GPC3: variants seen among roughly 807,000 people sequenced by gnomAD.
The protein encoded by GPC3 is glypican 3.
A neutral mutation model predicts 34.4 loss-of-function variants in GPC3; 3 were observed. The ratio of observed to expected loss-of-function variants is 0.09; its 90% CI spans 0.04 to 0.23. GPC3 has a LOEUF of 0.23. Ranked by LOEUF, GPC3 falls within the 10% of genes least tolerant of loss-of-function variation. The probability of loss-of-function intolerance (pLI) is 1.00; values close to 1 mark genes in which losing one functional copy is unlikely to be tolerated. For synonymous variants in GPC3, 177 were observed against 174.0 expected (o/e 1.02, Z -0.13); for missense variants, 351 against 445.6 (o/e 0.79, Z 1.91).
At chrX:133,839,455 T>A (rs1190885673) in intron 2 of GPC3, among the ~76,000 whole-genome samples, 1 of 111,479 alleles carries the variant, frequency 9.0e-6, no homozygotes, top group Non-Finnish European at 1.9e-5. Context: ...ATACCTTAAA[T>A]ATACACAATT....
At chrX:133,634,721 T>C (rs2070401041) in intron 6 of GPC3, among the ~76,000 whole-genome samples, 1 of 111,877 alleles carries the variant, frequency 8.9e-6, no homozygotes, top group Non-Finnish European at 1.9e-5. Flanking sequence ...GGGCAACTTG[T>C]TGGGGTGATG....
chrX:133,772,753 C>G (rs1483216158), intron 2 of GPC3, among the ~76,000 whole-genome samples: 1 of 111,610 alleles, frequency 9.0e-6, no homozygotes, highest in African/African-American at 3.3e-5. Context: ...GGACCAGGCA[C>G]TATTTCAAGT....
At chrX:133,919,584 G>A (rs2076238588) in intron 2 of GPC3, among the ~76,000 whole-genome samples, 1 of 111,089 alleles carries the variant, frequency 9.0e-6, no homozygotes, top group Admixed American at 9.6e-5. Context: ...CACTTTGGGA[G>A]GTTAAGGTGG....
chrX:133,580,014 G>C (rs748844335), intron 7 of GPC3, among the ~76,000 whole-genome samples: 1 of 112,857 alleles, frequency 8.9e-6, no homozygotes, highest in South Asian at 3.6e-4. Flanking sequence ...TGAAGGAACA[G>C]AATAGCAAGT....
At chrX:133,572,046 T>C (rs977789906) in intron 7 of GPC3, among the ~76,000 whole-genome samples, 1 of 111,869 alleles carries the variant, frequency 8.9e-6, no homozygotes, top group Non-Finnish European at 1.9e-5. Context: ...TACACATTCT[T>C]CTCAAGTGCA....
rs184269236 is a variant in GPC3 at position 133,933,989 on chromosome X, C to T, written c.337+19061G>A. ...AAGCAGTTCTCCTGCCTCAGCCTCC[C>T]GAGTAGCTGGGATTACAGGCGTGTG... On this transcript the variant is annotated intron_variant, in intron 2 of 7. Transcript: ENST00000370818. 2.2e-4 allele frequency among the ~76,000 whole-genome samples: 23 copies of T among 105,609 alleles called. No homozygotes were observed. The East Asian group carries it at 5.1e-3, about 23-fold the overall frequency. The allele number at this position is 105,609 out of a possible 115,157, so 91.7% of individuals were successfully genotyped here.
intron 7 of GPC3, among the ~76,000 whole-genome samples, chrX:133,544,683 G>A (rs770229718): frequency 2.0e-4 from 22 of 111,346 alleles, no homozygotes; most frequent in Admixed American, 4.8e-4. Flanking sequence ...GTGCCACCAC[G>A]TCTGGCTAAT....
chrX:133,603,878 C>T (rs1323112942), intron 6 of GPC3, among the ~76,000 whole-genome samples: 3 of 111,605 alleles, frequency 2.7e-5, no homozygotes, highest in African/African-American at 9.8e-5. Context: ...GTGCTTGGTC[C>T]ATGGGAGATC....
intron 6 of GPC3, among the ~76,000 whole-genome samples, chrX:133,638,779 G>A (rs1312790357): frequency 5.7e-5 from 6 of 104,828 alleles, no homozygotes; most frequent in East Asian, 5.8e-4. Context: ...ATTGTCTTGG[G>A]CCACACATAA....
rs1351278227 is a variant in GPC3 at position 133,968,946 on chromosome X, A to G, written c.176-15735T>C. Among the ~76,000 whole-genome samples, 6 of 111,046 alleles carry G rather than the reference A, an allele frequency of 5.4e-5. No homozygotes were observed. In the Admixed American group the frequency reaches 5.8e-4, roughly 11 times the overall value. On this transcript the variant is annotated intron_variant, in intron 1 of 7. Transcript: ENST00000370818. Reference sequence around the variant, plus strand: ...TTCCAAGAAATATAACAAGGCTATTAAAAACCCTAAATTAAATTTGTATAA... The same window carrying G: ...TTCCAAGAAATATAACAAGGCTATTGAAAACCCTAAATTAAATTTGTATAA...
intron 2 of GPC3, among the ~76,000 whole-genome samples, chrX:133,758,369 A>C (rs1850229574): frequency 8.9e-6 from 1 of 112,066 alleles, no homozygotes; most frequent in Non-Finnish European, 1.9e-5. Flanking sequence ...CTATGCAGCC[A>C]TAAAAATAAA....
At chrX:133,705,868 T>A (rs1471005844) in intron 3 of GPC3, among the ~76,000 whole-genome samples, 2 of 112,555 alleles carry the variant, frequency 1.8e-5, no homozygotes, top group African/African-American at 3.2e-5. Context: ...TGGGATGATT[T>A]AAATTCTTTG....
rs1017343258 is a variant in GPC3, at chrX:133,719,619, A to T, written c.1033-19591T>A. ...AATGTGCACATGTACCCTAAAACTT[A>T]AAGTATAATAAAAAAAAATAAAAAA... On this transcript the variant is annotated intron_variant, in intron 3 of 7. Transcript: ENST00000370818. Among the ~76,000 whole-genome samples, 6 of 111,221 alleles carry T rather than the reference A, an allele frequency of 5.4e-5. 1 individual carries two copies. Among genetic ancestry groups the T allele is most frequent in the African/African-American group, 1.6e-4 (5 of 30,540 alleles).
intron 7 of GPC3, among the ~76,000 whole-genome samples, chrX:133,558,748 C>T (rs2069515555): frequency 9.2e-6 from 1 of 108,446 alleles, no homozygotes; most frequent in African/African-American, 3.4e-5. Flanking sequence ...AAAATTAGCC[C>T]GGCATGGTAG....
chrX:133,687,132 C>T (rs1393213137), intron 5 of GPC3, among the ~76,000 whole-genome samples: 1 of 79,383 alleles, frequency 1.3e-5, no homozygotes, highest in Non-Finnish European at 2.2e-5. Context: ...TTAGTAGAGA[C>T]GAGGTTTCAC....
chrX:133,569,244 G>GA (rs776046146), intron 7 of GPC3, among the ~76,000 whole-genome samples: 2 of 112,005 alleles, frequency 1.8e-5, no homozygotes, highest in East Asian at 2.8e-4. Flanking sequence ...AATCAAAAAT[G>GA]AAAAAATGAA....
intron 3 of GPC3, among the ~76,000 whole-genome samples, chrX:133,717,020 G>A (rs2071320391): frequency 9.0e-6 from 1 of 110,741 alleles, no homozygotes; most frequent in African/African-American, 3.3e-5. Flanking sequence ...GAGGGCAGTG[G>A]CGTGATCTCA....
At chrX:133,908,322 G>GGACA (rs1169684192) in intron 2 of GPC3, among the ~76,000 whole-genome samples, 2 of 111,335 alleles carry the variant, frequency 1.8e-5, no homozygotes, top group Non-Finnish European at 3.8e-5. Context: ...CCATTGCTGA[G>GGACA]GACACATCCT....
intron 2 of GPC3, among the ~76,000 whole-genome samples, chrX:133,934,511 T>C (rs7058141): frequency 9.4e-6 from 1 of 106,867 alleles, no homozygotes; most frequent in African/African-American, 3.4e-5. Context: ...TATTTATATA[T>C]ATATACATAT....
Sources: gnomAD v4.1 joint callset for allele counts (sites outside exome capture counted in the v4.1 genomes callset) on GRCh38, gnomAD v4.1.1 for gene constraint, MANE v1.5 for transcripts, NCBI Gene and HGNC (gene_info 2026-07-23, HGNC 2026-07-21) for gene names.